The following ATM variants were observed in gnomAD, a reference collection of about 807,000 sequenced individuals.
The protein encoded by ATM is ATM serine/threonine kinase.
In ATM, 308 loss-of-function variants were observed where a neutral mutation model predicts 387.0. That is an observed-to-expected ratio of 0.80 (90% CI 0.73 to 0.87). The LOEUF is 0.87. Ranked by LOEUF, ATM falls within the 40% of genes least tolerant of loss-of-function variation. The pLI is 0.00. For missense variants in ATM, 3,312 were observed against 3,560.9 expected (o/e 0.93, Z 1.78); for synonymous variants, 1,156 against 1,187.3 (o/e 0.97, Z 0.54).
Position 108,299,784 on chromosome 11 carries a change from A to C in ATM, c.5076A>C (p.Lys1692Asn), listed in dbSNP as rs767841041. ...DFSTIAIQHSKDASYTKALKL... is the reference protein window; with the variant it reads ...DFSTIAIQHSNDASYTKALKL... The stretch of plus-strand genomic sequence containing the variant: ...CTACCATAGCTATACAACATAGTAA[A>C]GATGCATCTTATACCAAGGCCCTTA... Residue 1692 changes from lysine to asparagine, a missense_variant, in exon 34 of 63, where the codon AAA becomes AAC. Physicochemically the swap from Lys to Asn is moderately conservative, Grantham distance 94. Around this residue, in one of 4 missense-constraint regions of ATM, gnomAD observed 1,405 missense variants for 1,604.4 expected, o/e 0.88. Transcript: ENST00000675843. The C allele has an allele frequency of 2.5e-6, 4 of 1,613,950 alleles. No individual in the cohort carries two copies. The highest frequency in any genetic ancestry group is 3.4e-6 in the Non-Finnish European group (4 of 1,179,972).
Position 108,330,124 on chromosome 11 carries a change from T to G in ATM, c.7308-90T>G, listed in dbSNP as rs1389962664. The G allele has an allele frequency of 2.8e-6, 4 of 1,447,530 alleles. No individual in the cohort carries two copies. The African/African-American group carries it at 4.3e-5, about 15-fold the overall frequency. The allele number at this position is 1,447,530 out of a possible 1,614,324, so 89.7% of individuals were successfully genotyped here. A position where few individuals can be genotyped will look rare whatever the true frequency, so the allele number is the denominator to read the frequency against. ...TTTTCCCTGGGATAAAAACCCAACT[T>G]TTTTCATTAAATGTTGTATATCATG... On this transcript the variant is annotated intron_variant, in intron 49 of 62. Transcript: ENST00000675843.
At chr11:108,250,339 G>T (rs1241296622) in intron 9 of ATM, among the ~76,000 whole-genome samples, 2 of 152,000 alleles carry the variant, frequency 1.3e-5, no homozygotes, top group Non-Finnish European at 2.9e-5. Flanking sequence ...TTTTAGTAGA[G>T]ACTGGGTTTC....
chr11:108,306,803 T>C (rs1388048290), intron 37 of ATM, among the ~76,000 whole-genome samples: 1 of 152,248 alleles, frequency 6.6e-6, no homozygotes, highest in Admixed American at 6.5e-5. Flanking sequence ...CGTGTCATCT[T>C]CTTCATCCCT....
rs923836140 is a variant in ATM, at chr11:108,287,691, G to A, written c.4085G>A (p.Ser1362Asn). ...HEPANSSASQSTDLCDFSGDL... is the reference protein window; with the variant it reads ...HEPANSSASQNTDLCDFSGDL... ...CCAGCAAATTCTAGTGCCAGTCAGAGCACTGACCTCTGTGACTTTTCAGGG... is the reference window on the plus strand; with the variant it reads ...CCAGCAAATTCTAGTGCCAGTCAGAACACTGACCTCTGTGACTTTTCAGGG... The change falls in exon 27 of 63, where the codon AGC becomes AAC. Residue 1362 changes from serine to asparagine, a missense_variant. By Grantham distance (46) the Ser-to-Asn change is conservative (BLOSUM62 1). Around this residue, in one of 4 missense-constraint regions of ATM, gnomAD observed 1,791 missense variants for 1,804.5 expected, o/e 0.99. Transcript: ENST00000675843. 6.2e-7 allele frequency: 1 copy of A among 1,613,426 alleles called. No individual in the cohort carries two copies. Among genetic ancestry groups the A allele is most frequent in the Non-Finnish European group, 8.5e-7 (1 of 1,179,624 alleles).
In ATM at chr11:108,334,961, T is replaced by A. The variant is rs1189310621; in HGVS notation, c.8011-8T>A. ...ACCTATTATCAATCATGTTTATACT[T>A]TTATTAGGTGGACCACACAGGAGAA... On this transcript the variant is annotated splice_region_variant and splice_polypyrimidine_tract_variant and intron_variant, in intron 54 of 62. Coordinates refer to ENST00000675843, the MANE Select transcript of ATM (RefSeq NM_000051.4). The A allele has an allele frequency of 6.2e-7, 1 of 1,610,914 alleles. No homozygotes were observed. Among genetic ancestry groups the A allele is most frequent in the East Asian group, 2.2e-5 (1 of 44,840 alleles).
intron 16 of ATM, among the ~76,000 whole-genome samples, chr11:108,260,850 TC>T (rs2080827847): frequency 6.6e-6 from 1 of 152,136 alleles, no homozygotes; most frequent in East Asian, 1.9e-4. Context: ...GTCAGGGAGT[TC>T]CCTTTCTGAG....
chr11:108,325,653 T>C (rs2085603525), intron 46 of ATM, 109 bp downstream of exon 46: 1 of 916,126 alleles, frequency 1.1e-6, no homozygotes, highest in Non-Finnish European at 1.6e-6. Flanking sequence ...TAGAGATCTC[T>C]ATTAATATAT....
chr11:108,364,453 G>A (rs956094805), intron 61 of ATM, among the ~76,000 whole-genome samples: 3 of 152,044 alleles, frequency 2.0e-5, no homozygotes, highest in Non-Finnish European at 2.9e-5. Flanking sequence ...CAGTTGTTTT[G>A]GTATCCTAAT....
At position 108,279,509 on chromosome 11, in the gene ATM, G is replaced by A. The variant is rs925487325; in HGVS notation, c.3303G>A (p.Lys1101=). 5 of 1,611,796 alleles carry A rather than the reference G, an allele frequency of 3.1e-6. No homozygotes were observed. The highest frequency in any genetic ancestry group is 4.2e-6 in the Non-Finnish European group (5 of 1,178,660). The change falls in exon 23 of 63, where the codon AAG becomes AAA. Residue 1101 remains lysine (K), a synonymous_variant. Transcript: ENST00000675843. ...TTTTAAGATTGTTCCAGGACACGAA[G>A]GGAGATTCTTCCAGGTTACTGAAAG... ...ESINRLFQDT[K]GDSSRLLKAL...
At chr11:108,264,563 A>G (rs1405329913) in intron 16 of ATM, among the ~76,000 whole-genome samples, 1 of 151,030 alleles carries the variant, frequency 6.6e-6, no homozygotes, top group African/African-American at 2.4e-5. Context: ...TCCCTTTGAA[A>G]ACTGGCACAA....
chr11:108,275,351 G>A (rs2081882626), intron 22 of ATM, among the ~76,000 whole-genome samples: 1 of 152,072 alleles, frequency 6.6e-6, no homozygotes, highest in African/African-American at 2.4e-5. Context: ...GGACATTTTA[G>A]CCCATTTACA....
In ATM at chr11:108,267,182, CA is replaced by C. The variant is rs1064794234; in HGVS notation, c.2483del (p.Lys828SerfsTer8). 7.4e-6 allele frequency: 12 copies of C among 1,613,966 alleles called. No homozygotes were observed. The highest frequency in any genetic ancestry group is 1.0e-5 in the Non-Finnish European group (12 of 1,179,956). Reference protein sequence around the residue: ...DICKSLASFIKKPFDRGEVES... With the variant: ...DICKSLASFIXKPFDRGEVES... ...TCTCTTCCTTGAAGGCATCCTTCAT[CA>C]AAAAGCCATTTGACCGTGGAGAAGT... On this transcript the variant is annotated frameshift_variant, in exon 17 of 63. Transcript: ENST00000675843. LOFTEE classifies it high-confidence loss of function.
intron 16 of ATM, among the ~76,000 whole-genome samples, chr11:108,266,633 A>G (rs1435622398): frequency 6.6e-6 from 1 of 152,100 alleles, no homozygotes; most frequent in Non-Finnish European, 1.5e-5. Context: ...CTTAAAGTGT[A>G]ATAAAAAAAA....
chr11:108,282,105 G>C (rs903453975), intron 24 of ATM, among the ~76,000 whole-genome samples: 1 of 151,770 alleles, frequency 6.6e-6, no homozygotes, highest in African/African-American at 2.4e-5. Context: ...GGGACTACAG[G>C]CATGTGCCAC....
chr11:108,308,184 A>T, intron 38 of ATM, 200 bp downstream of exon 38: 1 of 599,256 alleles, frequency 1.7e-6, no homozygotes, highest in Non-Finnish European at 3.0e-6. Context: ...TCTCAATTCT[A>T]GTACCAGCTG....
rs2086516357 is a variant in ATM at position 108,333,625 on chromosome 11, T to G, written c.7928-261T>G. On this transcript the variant is annotated intron_variant, in intron 53 of 62. Transcript: ENST00000675843. ...CTATTACGTAATTATTTTAAGATGT[T>G]TAGTCTGGTTCCTCAGGTGGAATCT... Among the ~76,000 whole-genome samples, 2 of 152,258 alleles carry G rather than the reference T, an allele frequency of 1.3e-5. 1 individual carries two copies. Among genetic ancestry groups the G allele is most frequent in the South Asian group, 4.1e-4 (2 of 4,834 alleles).
intron 36 of ATM, 96 bp downstream of exon 36, chr11:108,303,125 C>A: frequency 8.2e-7 from 1 of 1,213,390 alleles, no homozygotes; most frequent in East Asian, 2.4e-5. Flanking sequence ...ATAATATCAC[C>A]CCCACTCAAA....
At chr11:108,309,120 T>A in intron 38 of ATM, 1 of 1,049,212 alleles carries the variant, frequency 9.5e-7, no homozygotes, top group Non-Finnish European at 1.4e-6. Flanking sequence ...AGACATGCAT[T>A]CAAGTCCAAG....
At chr11:108,300,093 CAA>C (rs2083348819) in intron 34 of ATM, among the ~76,000 whole-genome samples, 2 of 152,048 alleles carry the variant, frequency 1.3e-5, no homozygotes, top group African/African-American at 4.8e-5. Context: ...ACATTCCAGA[CAA>C]GGTCCCTGTT....
Sources: allele counts gnomAD v4.1 joint callset (sites outside exome capture counted in the v4.1 genomes callset), GRCh38; gene constraint gnomAD v4.1.1; regional missense constraint gnomAD v4.1.1; transcripts MANE v1.5; gene names NCBI Gene and HGNC (gene_info 2026-07-23, HGNC 2026-07-21).